The following OCIAD1 variants were observed in gnomAD, a reference collection of about 807,000 sequenced individuals.
OCIAD1 encodes OCIA domain containing 1.
In OCIAD1, 29 loss-of-function variants were observed where a neutral mutation model predicts 38.9. That is an observed-to-expected ratio of 0.74 (90% CI 0.55 to 1.02). OCIAD1 has a LOEUF of 1.02. Ranked by LOEUF, OCIAD1 falls within the 50% of genes least tolerant of loss-of-function variation. OCIAD1 has a pLI of 0.00. For synonymous variants in OCIAD1, 110 were observed against 92.0 expected (o/e 1.20, Z -1.12); for missense variants, 288 against 289.6 (o/e 0.99, Z 0.04).
Position 48,832,659 on chromosome 4 carries a change from C to T in OCIAD1, c.35C>T (p.Ala12Val). ...NGRADFREPN[A>V]EVPRPIPHIG... ...AGGGCTGATTTTCGAGAGCCGAATG[C>T]AGAGGTTCCAAGACCAATTCCCCGT... Residue 12 changes from alanine (A) to valine (V), a missense_variant, in exon 2 of 9, where the codon GCA (alanine) becomes GTA (valine). Ala to Val is a moderately conservative substitution (Grantham distance 64). Transcript: ENST00000264312. 2 of 1,612,788 alleles carry T rather than the reference C, an allele frequency of 1.2e-6. No homozygotes were observed. The highest frequency in any genetic ancestry group is 1.7e-6 in the Non-Finnish European group (2 of 1,178,832).
chr4:48,818,002 C>A (rs570348071), intron 1 of OCIAD1, among the ~76,000 whole-genome samples: 6 of 152,336 alleles, frequency 3.9e-5, no homozygotes, highest in African/African-American at 1.4e-4. Flanking sequence ...ATCATTCCTG[C>A]TTGCTGGCTC....
At chr4:48,849,674 A>G (rs1196722130) in intron 5 of OCIAD1, among the ~76,000 whole-genome samples, 1 of 152,152 alleles carries the variant, frequency 6.6e-6, no homozygotes, top group East Asian at 1.9e-4. Flanking sequence ...TCCTGTATAT[A>G]TTATAAAGTA....
At chr4:48,839,167 G>A (rs1269574350) in intron 3 of OCIAD1, among the ~76,000 whole-genome samples, 2 of 152,160 alleles carry the variant, frequency 1.3e-5, no homozygotes, top group Non-Finnish European at 2.9e-5. Context: ...CAGGCATGGT[G>A]GCTCACACCT....
At chr4:48,815,449 C>T (rs1777134973) in intron 1 of OCIAD1, among the ~76,000 whole-genome samples, 1 of 152,184 alleles carries the variant, frequency 6.6e-6, no homozygotes, top group Admixed American at 6.5e-5. Context: ...ACTTCATTTG[C>T]ATGAAACTAT....
intron 1 of OCIAD1, among the ~76,000 whole-genome samples, chr4:48,832,181 C>T (rs1266316930): frequency 6.6e-6 from 1 of 152,094 alleles, no homozygotes; most frequent in Admixed American, 6.6e-5. Context: ...ATGATTATTT[C>T]ATTTTTTAAT....
At chr4:48,812,936 G>A (rs1375517411) in intron 1 of OCIAD1, among the ~76,000 whole-genome samples, 2 of 152,206 alleles carry the variant, frequency 1.3e-5, no homozygotes, top group Admixed American at 6.5e-5. Context: ...GGTACCTTGA[G>A]TAGGTGAATA....
chr4:48,842,478 T>C (rs915705257), intron 3 of OCIAD1, among the ~76,000 whole-genome samples, 158 bp from the exon 4 acceptor site: 2 of 152,210 alleles, frequency 1.3e-5, no homozygotes, highest in African/African-American at 4.8e-5. Flanking sequence ...TTCCACTATG[T>C]ATACAGTACA....
chr4:48,837,746 G>A (rs1399045619), intron 3 of OCIAD1, among the ~76,000 whole-genome samples: 1 of 151,434 alleles, frequency 6.6e-6, no homozygotes, highest in African/African-American at 2.4e-5. Context: ...AAAAAGGCAA[G>A]TGTGATAGAG....
At chr4:48,849,547 A>G (rs1779245918) in intron 5 of OCIAD1, among the ~76,000 whole-genome samples, 1 of 152,202 alleles carries the variant, frequency 6.6e-6, no homozygotes, top group Admixed American at 6.5e-5. Flanking sequence ...TTATAGGAAA[A>G]TAATGGCCTA....
At chr4:48,855,488 A>C (rs1447050617) in intron 7 of OCIAD1, among the ~76,000 whole-genome samples, 1 of 152,182 alleles carries the variant, frequency 6.6e-6, no homozygotes, top group Non-Finnish European at 1.5e-5. Flanking sequence ...GCTTTATATA[A>C]GTATAGTATA....
chr4:48,837,775 A>C (rs1392529962), intron 3 of OCIAD1, among the ~76,000 whole-genome samples: 1 of 151,588 alleles, frequency 6.6e-6, no homozygotes, highest in Non-Finnish European at 1.5e-5. Flanking sequence ...GGATTATTGT[A>C]GTGTTGGGCT....
chr4:48,826,062 T>G (rs1777246090), intron 1 of OCIAD1, among the ~76,000 whole-genome samples: 2 of 152,098 alleles, frequency 1.3e-5, no homozygotes, highest in African/African-American at 4.8e-5. Context: ...GGTCTTGAAC[T>G]CCTGACATCA....
At chr4:48,826,504 T>G (rs1401691737), upstream of OCIAD1, among the ~76,000 whole-genome samples, 4 of 152,204 alleles carry the variant, frequency 2.6e-5, no homozygotes, top group Non-Finnish European at 4.4e-5. Flanking sequence ...TATGGCTGCA[T>G]AGTATTCCTG....
At chr4:48,857,950 T>C (rs1780227493) in intron 8 of OCIAD1, among the ~76,000 whole-genome samples, 1 of 152,144 alleles carries the variant, frequency 6.6e-6, no homozygotes, top group Admixed American at 6.5e-5. Context: ...GGCCAGGAAT[T>C]GGAGACCAGC....
At chr4:48,853,736 T>TGTGCTAGTGGCTACC (rs1256591696) in intron 7 of OCIAD1, among the ~76,000 whole-genome samples, 1 of 152,220 alleles carries the variant, frequency 6.6e-6, no homozygotes, top group African/African-American at 2.4e-5. Context: ...AATAGTCACA[T>TGTGCTAGTGGCTACC]GTGCTAGTGG....
chr4:48,814,503 A>G lies in OCIAD1; in HGVS notation c.-103+9173A>G, dbSNP rs76996445. Among the ~76,000 whole-genome samples, 60 of 152,268 alleles carry G rather than the reference A, an allele frequency of 3.9e-4. No homozygotes were observed. The East Asian group carries it at 0.01, about 26-fold the overall frequency. On this transcript the variant is annotated intron_variant, in intron 1 of 6. Transcript: ENST00000504654. Reference sequence around the variant, plus strand: ...GAGATAGAGCTGGAATTAAGGCAAAAACAAAAATAACATAATTTACACAAC... The same window carrying G: ...GAGATAGAGCTGGAATTAAGGCAAAGACAAAAATAACATAATTTACACAAC...
At chr4:48,855,483 ATATAAGTATAGTATATATTTATT>A (rs1323231552) in intron 7 of OCIAD1, among the ~76,000 whole-genome samples, 1 of 152,222 alleles carries the variant, frequency 6.6e-6, no homozygotes, top group African/African-American at 2.4e-5. Flanking sequence ...TCTTTGCTTT[ATATAAGTATAGTATATATTTATT>A]TAGCAGAATA....
intron 1 of OCIAD1, among the ~76,000 whole-genome samples, chr4:48,819,740 A>AAAAAAAAAAAAAAAAAG (rs1381189214): frequency 2.1e-5 from 3 of 145,552 alleles, no homozygotes; most frequent in Non-Finnish European, 3.0e-5. Flanking sequence ...AAAAAAAAAA[A>AAAAAAAAAAAAAAAAAG]AAAAGGAGGG....
intron 1 of OCIAD1, among the ~76,000 whole-genome samples, chr4:48,806,599 T>TA (rs1349752272): frequency 6.6e-6 from 1 of 152,144 alleles, no homozygotes; most frequent in Non-Finnish European, 1.5e-5. Flanking sequence ...CTTGCCCTTT[T>TA]AAATTAACTT....
Sources: gnomAD v4.1 joint callset for allele counts (sites outside exome capture counted in the v4.1 genomes callset) on GRCh38, gnomAD v4.1.1 for gene constraint, MANE v1.5 for transcripts, NCBI Gene and HGNC (gene_info 2026-07-23, HGNC 2026-07-21) for gene names.